RFX1: variants seen among roughly 807,000 people sequenced by gnomAD.
RFX1 encodes MHC class II regulatory factor RFX1.
In RFX1, 42 loss-of-function variants were observed where a neutral mutation model predicts 119.6. The ratio of observed to expected loss-of-function variants is 0.35; its 90% CI spans 0.27 to 0.45. RFX1 has a LOEUF of 0.45. Among genes scored for constraint, RFX1 ranks in the 20% least tolerant of loss-of-function variants. The probability of loss-of-function intolerance (pLI) is 1.00; values close to 1 mark genes in which losing one functional copy is unlikely to be tolerated. For missense variants in RFX1, 1,118 were observed against 1,368.1 expected, an observed-to-expected ratio of 0.82 and a Z score of 2.88; for synonymous variants, 628 against 618.5, an observed-to-expected ratio of 1.02 and a Z score of -0.23.
At chr19:14,005,701 G>GGA (rs756381275) in intron 1 of RFX1, among the ~76,000 whole-genome samples, 76 of 152,166 alleles carry the variant, frequency 5.0e-4, no homozygotes, top group Non-Finnish European at 9.4e-4. Context: ...TTCCCGAGGT[G>GGA]GAGGTTGGGG....
In RFX1 at chr19:13,972,973, C is replaced by A; in HGVS notation, c.1084G>T (p.Gly362Cys). Reference protein sequence around the residue: ...SSGSMPMYVSGSQVVASSTST... With the variant: ...SSGSMPMYVSCSQVVASSTST... ...GTGGAGCTGGCGACGACCTGGCTGC[C>A]GGACACGTACATGGGCATGGAGCCA... Residue 362 changes from glycine to cysteine, a missense_variant, in exon 9 of 21, where the codon GGC (glycine) becomes TGC (cysteine). Gly to Cys is a radical substitution (Grantham distance 159, BLOSUM62 -3). Coordinates refer to ENST00000254325, the MANE Select transcript of RFX1 (RefSeq NM_002918.5). 6.3e-7 allele frequency: 1 copy of A among 1,599,866 alleles called. No individual in the cohort carries two copies. Among genetic ancestry groups the A allele is most frequent in the Non-Finnish European group, 8.5e-7 (1 of 1,179,590 alleles).
rs376631002 is a variant in RFX1 at position 13,982,160 on chromosome 19, C to T, written c.582G>A (p.Leu194=). The change falls in exon 5 of 21, where the codon CTG becomes CTA. Residue 194 remains leucine (L), a synonymous_variant. Transcript: ENST00000254325. ...GCACCTGCTGGGTACCATGGACCGT[C>T]AGGGAGACCTGGCCACCTTTGCTGC... is the stretch of plus-strand genomic sequence containing the variant. ...APGSKGGQVS[L]TVHGTQQVHS... 9.1e-5 allele frequency: 119 copies of T among 1,312,270 alleles called. No individual in the cohort carries two copies. The highest frequency in any genetic ancestry group is 1.1e-4 in the Non-Finnish European group (117 of 1,021,644). The allele number at this position is 1,312,270 out of a possible 1,614,324, so 81.3% of individuals were successfully genotyped here.
intron 2 of RFX1, among the ~76,000 whole-genome samples, chr19:13,992,940 T>C (rs1024403676): frequency 2.0e-5 from 3 of 152,074 alleles, no homozygotes; most frequent in African/African-American, 4.8e-5. Flanking sequence ...GAGACCAGCC[T>C]AGGCAATATG....
rs538446407 is a variant in RFX1 at position 13,962,624 on chromosome 19, A to G, written c.*71T>C. On this transcript the variant is annotated 3_prime_UTR_variant, in exon 21 of 21. Coordinates refer to ENST00000254325, the MANE Select transcript of RFX1 (RefSeq NM_002918.5). ...GCTGAGGCTGGAGCAGTGACCACGA[A>G]GCCACAGAAGCTTTGAGGGACCCTG... The G allele has an allele frequency of 4.0e-3, 4,901 of 1,217,036 alleles. 13 individuals are homozygous for G. Among genetic ancestry groups the G allele is most frequent in the Middle Eastern group, 8.1e-3 (27 of 3,354 alleles). 75.4% of individuals were successfully genotyped at this position (1,217,036 alleles called of 1,614,324 possible). A position where few individuals can be genotyped will look rare whatever the true frequency, so the allele number is the denominator to read the frequency against.
In RFX1 at chr19:13,993,815, T is replaced by C. The variant is rs761483015; in HGVS notation, c.29A>G (p.Gln10Arg). 3 of 1,599,318 alleles carry C rather than the reference T, an allele frequency of 1.9e-6. No individual in the cohort carries two copies. The highest frequency in any genetic ancestry group is 1.7e-6 in the Non-Finnish European group (2 of 1,175,514). Reference sequence around the variant, plus strand: ...CGGCTGGGATGGTGGCGGGGCTGCCTGTAGCTCAGTATACGCCTGTGTTGC... The same window carrying C: ...CGGCTGGGATGGTGGCGGGGCTGCCCGTAGCTCAGTATACGCCTGTGTTGC... Reference protein sequence around the residue: MATQAYTELQAAPPPSQPPQ... With the variant: MATQAYTELRAAPPPSQPPQ... Residue 10 changes from glutamine to arginine, a missense_variant, in exon 2 of 21, where the codon CAG becomes CGG. This residue lies in a region of RFX1 where 542 missense variants were observed against 602.7 expected (regional missense o/e 0.90). Coordinates refer to ENST00000254325, the MANE Select transcript of RFX1 (RefSeq NM_002918.5).
Position 13,973,066 on chromosome 19 carries a change from A to G in RFX1, c.991T>C (p.Tyr331His). The G allele has an allele frequency of 6.2e-7, 1 of 1,601,732 alleles. No homozygotes were observed. Among genetic ancestry groups the G allele is most frequent in the Middle Eastern group, 1.7e-4 (1 of 5,968 alleles). The change falls in exon 9 of 21, where the codon TAC becomes CAC. Residue 331 changes from tyrosine (Y) to histidine (H), a missense_variant. Around this residue, in one of 5 missense-constraint regions of RFX1, gnomAD observed 542 missense variants for 602.7 expected, o/e 0.90. Coordinates refer to ENST00000254325, the MANE Select transcript of RFX1 (RefSeq NM_002918.5). ...PLYTQTASTS[Y>H]YEAAGTATQV... is the part of the protein sequence containing the mutation. ...GTGGCCGTGCCTGCGGCCTCGTAGT[A>G]GCTGGTGCTTGCCGTCTGCGTGTAC... is the stretch of plus-strand genomic sequence containing the variant.
intron 2 of RFX1, among the ~76,000 whole-genome samples, chr19:13,988,747 G>A (rs149078630): frequency 2.2e-4 from 33 of 152,298 alleles, no homozygotes; most frequent in Admixed American, 1.0e-3. Context: ...CCAGCGGGGC[G>A]CAGTGGCTCA....
At chr19:13,967,953 G>C (rs1973957194) in intron 12 of RFX1, among the ~76,000 whole-genome samples, 1 of 152,038 alleles carries the variant, frequency 6.6e-6, no homozygotes, top group African/African-American at 2.4e-5. Context: ...CAACTGGGTG[G>C]GATTTGAAAT....
chr19:14,002,228 C>T (rs13345162), intron 1 of RFX1, among the ~76,000 whole-genome samples: 7,479 of 150,684 alleles, frequency 0.05, 650 homozygotes, highest in African/African-American at 0.17. Flanking sequence ...GGCAAGAGAA[C>T]TGCTTGAACC....
Position 13,980,414 on chromosome 19 carries a change from G to A in RFX1, c.738+159C>T, listed in dbSNP as rs1024648934. On this transcript the variant is annotated intron_variant, in intron 6 of 20. Transcript: ENST00000254325. The surrounding 1 kb of genome is among the most constrained non-coding windows in gnomAD (Gnocchi z 5.1). ...CCTCTAGCCCCAGGATGCTGAGTCT[G>A]GAGACAGGCAGAGATGCTTATCAAA... 6.6e-6 allele frequency among the ~76,000 whole-genome samples: 1 copy of A among 152,208 alleles called. No homozygotes were observed. Among genetic ancestry groups the A allele is most frequent in the East Asian group, 1.9e-4 (1 of 5,194 alleles).
At chr19:13,964,920 C>T (rs1348502227) in intron 16 of RFX1, among the ~76,000 whole-genome samples, 1 of 152,204 alleles carries the variant, frequency 6.6e-6, no homozygotes, top group Non-Finnish European at 1.5e-5. Context: ...GAAGGGTTTG[C>T]TCCTGGATCT....
At chr19:14,006,331 A>G (rs1483514876), upstream of RFX1, 1 of 151,000 alleles carries the variant, frequency 6.6e-6, no homozygotes, top group Non-Finnish European at 1.5e-5. Flanking sequence ...GTTGCTACCC[A>G]CCCTAGTTAC....
intron 2 of RFX1, among the ~76,000 whole-genome samples, chr19:13,992,658 C>T (rs767034601): frequency 1.1e-4 from 16 of 152,190 alleles, no homozygotes; most frequent in Non-Finnish European, 1.8e-4. Context: ...CCCTCGCATG[C>T]GTCCCCTGAG....
At chr19:13,995,696 C>G (rs928402706) in intron 1 of RFX1, among the ~76,000 whole-genome samples, 4 of 151,926 alleles carry the variant, frequency 2.6e-5, no homozygotes, top group Non-Finnish European at 5.9e-5. Flanking sequence ...ACTAAAAGTA[C>G]AAAAATCAGC....
At position 13,963,845 on chromosome 19, in the gene RFX1, G is replaced by A. The variant is rs772572094; in HGVS notation, c.2361+13C>T. 31 of 746,094 alleles carry A rather than the reference G, an allele frequency of 4.2e-5. No homozygotes were observed. The highest frequency in any genetic ancestry group is 5.3e-5 in the Non-Finnish European group (27 of 512,174). The allele number at this position is 746,094 out of a possible 1,614,324, so 46.2% of individuals were successfully genotyped here. ...GCCCCTCATTCGCCCGCCCCGCCCC[G>A]CCCCGCGCTCACCTGCACGTTGGCG... is the stretch of plus-strand genomic sequence containing the variant. On this transcript the variant is annotated intron_variant, in intron 17 of 20. Coordinates refer to ENST00000254325, the MANE Select transcript of RFX1 (RefSeq NM_002918.5).
intron 9 of RFX1, among the ~76,000 whole-genome samples, chr19:13,972,198 A>ATTT (rs763759891): frequency 7.5e-6 from 1 of 133,926 alleles, no homozygotes; most frequent in Non-Finnish European, 1.6e-5. Flanking sequence ...AGTAGACAAC[A>ATTT]TTTTTTTTTT....
chr19:14,005,420 T>G (rs1013659810), intron 1 of RFX1, among the ~76,000 whole-genome samples: 2 of 152,194 alleles, frequency 1.3e-5, no homozygotes, highest in Non-Finnish European at 2.9e-5. Flanking sequence ...GACAGTTATT[T>G]TATCAAACCA....
chr19:13,963,324 C>T, intron 18 of RFX1, 49 bp from the exon 19 acceptor site: 2 of 1,557,550 alleles, frequency 1.3e-6, no homozygotes, highest in Non-Finnish European at 1.7e-6. Context: ...CCGGCCCGAC[C>T]CCCTCTCCCC....
chr19:13,966,999 A>G lies in RFX1; in HGVS notation c.1733-248T>C, dbSNP rs13382046. Among the ~76,000 whole-genome samples, 9,906 of 151,988 alleles carry G rather than the reference A, an allele frequency of 0.065. 1,073 individuals carry two copies. The highest frequency in any genetic ancestry group is 0.22 in the African/African-American group (9,187 of 41,424). The stretch of plus-strand genomic sequence containing the variant: ...TCTGCTGAGTAACAGCACTGCACCA[A>G]CCCTCAGGACGTGGGCCTCTGAGTC... On this transcript the variant is annotated intron_variant, in intron 12 of 20. Coordinates refer to ENST00000254325, the MANE Select transcript of RFX1 (RefSeq NM_002918.5). This position sits in a 1 kb window ranked among gnomAD's most constrained non-coding sequence, Gnocchi z 6.3.
Sources: gnomAD v4.1 joint callset for allele counts (sites outside exome capture counted in the v4.1 genomes callset) on GRCh38, gnomAD v4.1.1 for gene constraint, gnomAD v4.1.1 regional missense constraint, Gnocchi (gnomAD v3.1) non-coding constraint, MANE v1.5 for transcripts, NCBI Gene and HGNC (gene_info 2026-07-23, HGNC 2026-07-21) for gene names.